The following C1orf87 variants were observed in gnomAD, a reference collection of about 807,000 sequenced individuals.
C1orf87 encodes the protein chromosome 1 open reading frame 87.
Under a neutral mutation model 60.5 loss-of-function variants are expected in C1orf87, and 58 were observed. That is an observed-to-expected ratio of 0.96 (90% confidence interval 0.78 to 1.19). C1orf87 has a LOEUF of 1.19. Ranked by LOEUF, C1orf87 falls within the 50% of genes most tolerant of loss-of-function variation. C1orf87 has a pLI of 0.00. For missense variants in C1orf87, 673 were observed against 638.6 expected, an observed-to-expected ratio of 1.05 and a Z score of -0.58; for synonymous variants, 236 against 227.4, an observed-to-expected ratio of 1.04 and a Z score of -0.34.
chr1:60,069,578 A>G (rs888063939), intron 2 of C1orf87, among the ~76,000 whole-genome samples: 2 of 152,186 alleles, frequency 1.3e-5, no homozygotes, highest in East Asian at 3.8e-4. Flanking sequence ...TATACTAAAT[A>G]TAAGTATTTT....
chr1:60,004,442 T>G (rs112971845), intron 9 of C1orf87, among the ~76,000 whole-genome samples: 5 of 152,100 alleles, frequency 3.3e-5, no homozygotes, highest in South Asian at 2.1e-4. Context: ...TCCCAGACAT[T>G]TTTTGGGACA....
intron 8 of C1orf87, among the ~76,000 whole-genome samples, chr1:60,012,778 T>C (rs1645096790): frequency 6.6e-6 from 1 of 152,124 alleles, no homozygotes; most frequent in African/African-American, 2.4e-5. Flanking sequence ...TCTCATTTAA[T>C]TGAGACAACC....
At chr1:60,005,505 A>C (rs977949667) in intron 9 of C1orf87, among the ~76,000 whole-genome samples, 1 of 152,120 alleles carries the variant, frequency 6.6e-6, no homozygotes. Flanking sequence ...ATAATTCATC[A>C]ATGACCTCTT....
At chr1:60,024,978 T>C (rs927839332) in intron 8 of C1orf87, among the ~76,000 whole-genome samples, 2 of 152,200 alleles carry the variant, frequency 1.3e-5, no homozygotes, top group Admixed American at 6.5e-5. Flanking sequence ...ATGAAATCGA[T>C]TGCTTCACAC....
In C1orf87 at chr1:60,025,515, A is replaced by G. The variant is rs1351745592; in HGVS notation, c.1030-17T>C. 1.3e-6 allele frequency: 2 copies of G among 1,554,102 alleles called. No individual in the cohort carries two copies. Among genetic ancestry groups the G allele is most frequent in the Admixed American group, 4.1e-5 (2 of 49,370 alleles). ...AGCCCTGACCTACAAGTTAAAAAAA[A>G]ATAAAAAAGATTTGATGTTTCACTA... On this transcript the variant is annotated splice_polypyrimidine_tract_variant and intron_variant, in intron 7 of 11. Transcript: ENST00000371201.
At chr1:60,042,946 G>T (rs1464538588) in intron 3 of C1orf87, among the ~76,000 whole-genome samples, 1 of 152,136 alleles carries the variant, frequency 6.6e-6, no homozygotes, top group African/African-American at 2.4e-5. Context: ...TGGTGGTCCG[G>T]GTCTGAAGGG....
At chr1:60,064,298 T>A (rs1425893583) in intron 2 of C1orf87, among the ~76,000 whole-genome samples, 1 of 129,304 alleles carries the variant, frequency 7.7e-6, no homozygotes, top group African/African-American at 3.0e-5. Flanking sequence ...TATATATATA[T>A]TTTATATATA....
chr1:60,063,607 C>G (rs951740100), intron 2 of C1orf87, among the ~76,000 whole-genome samples: 1 of 152,138 alleles, frequency 6.6e-6, no homozygotes, highest in Non-Finnish European at 1.5e-5. Context: ...AATGGCTTTC[C>G]TGCTCTTTCT....
intron 6 of C1orf87, 27 bp from the exon 7 acceptor site, chr1:60,033,668 T>C: frequency 6.2e-7 from 1 of 1,603,274 alleles, no homozygotes; most frequent in Non-Finnish European, 8.5e-7. Flanking sequence ...TGGGGAAGGC[T>C]ATGAAAAGGT....
rs878910751 is a variant in C1orf87 at position 60,039,993 on chromosome 1, T to A, written c.671A>T (p.Lys224Met). The change falls in exon 5 of 12, where the codon AAG becomes ATG. Residue 224 changes from lysine (K) to methionine (M), a missense_variant. Coordinates refer to ENST00000371201, the MANE Select transcript of C1orf87 (RefSeq NM_152377.3). ...LQSQLSRLFL[K>M]HEVPLQLPTV... Reference sequence around the variant, plus strand: ...TGGTAACTGTAGAGGGACTTCATGCTTCAAAAAGAGGCGGCTCAGCTGAGA... The same window carrying A: ...TGGTAACTGTAGAGGGACTTCATGCATCAAAAAGAGGCGGCTCAGCTGAGA... 6.2e-7 allele frequency: 1 copy of A among 1,614,134 alleles called. No homozygotes were observed. Among genetic ancestry groups the A allele is most frequent in the Non-Finnish European group, 8.5e-7 (1 of 1,179,988 alleles).
At chr1:59,995,377 G>C (rs1644956314) in intron 11 of C1orf87, among the ~76,000 whole-genome samples, 1 of 152,074 alleles carries the variant, frequency 6.6e-6, no homozygotes. Flanking sequence ...ATCCATCTCA[G>C]CTTTCATTAT....
intron 8 of C1orf87, among the ~76,000 whole-genome samples, chr1:60,014,900 T>C (rs1304082079): frequency 6.6e-6 from 1 of 152,186 alleles, no homozygotes; most frequent in African/African-American, 2.4e-5. Context: ...GTATAGAATA[T>C]TGATAAAGAG....
chr1:60,048,613 G>A (rs1427639792), intron 3 of C1orf87, among the ~76,000 whole-genome samples: 1 of 151,968 alleles, frequency 6.6e-6, no homozygotes, highest in Non-Finnish European at 1.5e-5. Flanking sequence ...TAAAACATTT[G>A]CGTGGTTGCA....
At position 59,997,752 on chromosome 1, in the gene C1orf87, G is replaced by C; in HGVS notation, c.1337C>G (p.Pro446Arg). The C allele has an allele frequency of 6.2e-7, 1 of 1,613,932 alleles. No individual in the cohort carries two copies. The highest frequency in any genetic ancestry group is 8.5e-7 in the Non-Finnish European group (1 of 1,179,894). The change falls in exon 11 of 12, where the codon CCT becomes CGT. Residue 446 changes from proline to arginine, a missense_variant. Physicochemically the swap from Pro to Arg is moderately radical, Grantham distance 103. Transcript: ENST00000371201. ...SPAETSACKD[P>R]LKPLKIRPVS... ...TGGCCTGATCTTTAAAGGTTTCAGA[G>C]GATCTTTGCAGGCTGAAGTTTCAGC...
At chr1:60,040,306 G>T in intron 4 of C1orf87, 126 bp from the exon 5 acceptor site, 1 of 1,226,902 alleles carries the variant, frequency 8.2e-7, no homozygotes, top group Non-Finnish European at 1.1e-6. Flanking sequence ...CCTGGAGCAG[G>T]ACAAGTCTGT....
chr1:60,057,157 C>T (rs377423951), intron 2 of C1orf87, among the ~76,000 whole-genome samples: 2 of 152,024 alleles, frequency 1.3e-5, no homozygotes, highest in Non-Finnish European at 2.9e-5. Context: ...AGGAAGACTT[C>T]GTAGAAAAGC....
intron 2 of C1orf87, among the ~76,000 whole-genome samples, chr1:60,064,814 T>C (rs1433324142): frequency 3.7e-4 from 34 of 93,002 alleles, no homozygotes; most frequent in Admixed American, 1.6e-3. Context: ...ATATTTAATA[T>C]ATATAAATAT....
intron 2 of C1orf87, among the ~76,000 whole-genome samples, chr1:60,065,741 T>G (rs1292770122): frequency 1.3e-5 from 2 of 152,138 alleles, no homozygotes; most frequent in East Asian, 3.8e-4. Context: ...AAGAATTTAT[T>G]AATATAAATG....
At chr1:60,068,851 G>C (rs1275116271) in intron 2 of C1orf87, among the ~76,000 whole-genome samples, 1 of 152,050 alleles carries the variant, frequency 6.6e-6, no homozygotes. Context: ...GAGAATATTT[G>C]TCTCCTGTCA....
Sources: gnomAD v4.1 joint callset for allele counts (sites outside exome capture counted in the v4.1 genomes callset) on GRCh38, gnomAD v4.1.1 for gene constraint, MANE v1.5 for transcripts, NCBI Gene and HGNC (gene_info 2026-07-23, HGNC 2026-07-21) for gene names.